Variants in TP73 observed in about 807,000 individuals in gnomAD.
TP73 encodes the protein p53-like transcription factor.
Under a neutral mutation model 62.5 loss-of-function variants are expected in TP73, and 25 were observed. That is an observed-to-expected ratio of 0.40 (90% confidence interval 0.29 to 0.56). TP73 has a LOEUF of 0.56. TP73 is among the 20% of genes least tolerant of loss of function. TP73 has a pLI of 0.46. For synonymous variants in TP73, 423 were observed against 377.5 expected (o/e 1.12, Z -1.40); for missense variants, 754 against 913.3 (o/e 0.83, Z 2.25).
chr1:3,678,526 T>C (rs927965449), intron 1 of TP73, among the ~76,000 whole-genome samples: 2 of 152,264 alleles, frequency 1.3e-5, no homozygotes, highest in Non-Finnish European at 2.9e-5. Flanking sequence ...GCTACCAGCG[T>C]TGGCGTTTTC....
intron 10 of TP73, chr1:3,729,758 T>A (rs1641981947): frequency 1.3e-6 from 1 of 746,652 alleles, no homozygotes; most frequent in Admixed American, 2.2e-5. Context: ...CAGAGTCCGA[T>A]TCCAGTGGCA....
intron 3 of TP73, among the ~76,000 whole-genome samples, chr1:3,688,488 C>A (rs934406972): frequency 6.6e-6 from 1 of 152,224 alleles, no homozygotes; most frequent in Non-Finnish European, 1.5e-5. Flanking sequence ...TCGTTCCCCC[C>A]TGTCCTGCGG....
intron 4 of TP73, among the ~76,000 whole-genome samples, chr1:3,720,817 A>G (rs1013305655): frequency 1.3e-5 from 2 of 152,218 alleles, no homozygotes; most frequent in Non-Finnish European, 2.9e-5. Flanking sequence ...TCCTTGGCAA[A>G]GGGAAGACTC....
rs1645130901 is a variant in TP73 at position 3,666,945 on chromosome 1, G to A, written c.-34+14304G>A. On this transcript the variant is annotated intron_variant, in intron 1 of 13. Coordinates refer to ENST00000378295, the MANE Select transcript of TP73 (RefSeq NM_005427.4). This position sits in a 1 kb window ranked among gnomAD's most constrained non-coding sequence, Gnocchi z 6.4. ...AACCCGTGTCTATGTTATTTCCCATGGCAAAGGGGACCGTGATTCAGCTAT... is the reference window on the plus strand; with the variant it reads ...AACCCGTGTCTATGTTATTTCCCATAGCAAAGGGGACCGTGATTCAGCTAT... Among the ~76,000 whole-genome samples the A allele has an allele frequency of 1.3e-5, 2 of 152,182 alleles. No individual in the cohort carries two copies. Among genetic ancestry groups the A allele is most frequent in the African/African-American group, 2.4e-5 (1 of 41,440 alleles).
chr1:3,710,527 C>T (rs953571142), intron 4 of TP73, among the ~76,000 whole-genome samples: 14 of 152,288 alleles, frequency 9.2e-5, no homozygotes, highest in Admixed American at 5.2e-4. Context: ...CTGGGGCTCC[C>T]GGCACGCCAG....
At chr1:3,704,250 T>G (rs951857449) in intron 3 of TP73, among the ~76,000 whole-genome samples, 1 of 152,234 alleles carries the variant, frequency 6.6e-6, no homozygotes, top group Admixed American at 6.5e-5. Flanking sequence ...AATTATTTCC[T>G]GTATTCACCC....
Position 3,666,509 on chromosome 1 carries a change from T to C in TP73, c.-34+13868T>C, listed in dbSNP as rs1391240601. ...GCACACAGAGGGACCTGCTGGCAAA[T>C]ACTGAAGAGCTGTGGGGAGAAAGGA... On this transcript the variant is annotated intron_variant, in intron 1 of 13. Coordinates refer to ENST00000378295, the MANE Select transcript of TP73 (RefSeq NM_005427.4). The surrounding 1 kb of genome is among the most constrained non-coding windows in gnomAD (Gnocchi z 6.4). Among the ~76,000 whole-genome samples, 1 of 152,094 alleles carries C rather than the reference T, an allele frequency of 6.6e-6. No homozygotes were observed. Among genetic ancestry groups the C allele is most frequent in the East Asian group, 1.9e-4 (1 of 5,188 alleles).
intron 4 of TP73, among the ~76,000 whole-genome samples, chr1:3,709,533 G>A (rs574906699): frequency 3.9e-5 from 6 of 152,334 alleles, no homozygotes; most frequent in African/African-American, 9.6e-5. Context: ...TCCCAAATGA[G>A]TGGTTCCGTG....
At chr1:3,703,811 G>A (rs1639405794) in intron 3 of TP73, among the ~76,000 whole-genome samples, 1 of 152,210 alleles carries the variant, frequency 6.6e-6, no homozygotes, top group African/African-American at 2.4e-5. Context: ...CCTCAGCTGG[G>A]CAGCCCTTGA....
At chr1:3,703,715 G>A (rs1353190008) in intron 3 of TP73, among the ~76,000 whole-genome samples, 1 of 152,264 alleles carries the variant, frequency 6.6e-6, no homozygotes, top group African/African-American at 2.4e-5. Flanking sequence ...CCCACTGGCT[G>A]TCCTGTTCTC....
At chr1:3,712,225 GA>G (rs1410854270) in intron 4 of TP73, 2 of 152,276 alleles carry the variant, frequency 1.3e-5, no homozygotes, top group African/African-American at 2.4e-5. Flanking sequence ...GTTTATTGTG[GA>G]GATGAAACGT....
chr1:3,723,328 T>G (rs1641252871), intron 5 of TP73, 26 bp from the exon 6 acceptor site: 3 of 1,597,964 alleles, frequency 1.9e-6, no homozygotes, highest in Admixed American at 1.7e-5. Flanking sequence ...TATGCACCTC[T>G]CTGAAGTGTC....
In TP73 at chr1:3,734,054, G is replaced by A. The variant is rs1642329197; in HGVS notation, c.*975G>A. On this transcript the variant is annotated 3_prime_UTR_variant, in exon 14 of 14. Coordinates refer to ENST00000378295, the MANE Select transcript of TP73 (RefSeq NM_005427.4). The surrounding 1 kb of genome is among the most constrained non-coding windows in gnomAD (Gnocchi z 4.4). ...TGTTCCCAGGAAGGCCGGGTGGGGA[G>A]GAAGCCTAGAGGGAACCCCAGGAAG... is the stretch of plus-strand genomic sequence containing the variant. The A allele has an allele frequency of 6.6e-6, 1 of 152,120 alleles. No homozygotes were observed. Among genetic ancestry groups the A allele is most frequent in the South Asian group, 2.1e-4 (1 of 4,826 alleles). 9.4% of individuals were successfully genotyped at this position (152,120 alleles called of 1,614,324 possible).
At chr1:3,664,112 G>A (rs1181694789) in intron 1 of TP73, among the ~76,000 whole-genome samples, 5 of 152,240 alleles carry the variant, frequency 3.3e-5, no homozygotes, top group African/African-American at 4.8e-5. Flanking sequence ...AGGTGCCCAA[G>A]TGAGGCTGGT....
chr1:3,717,346 C>T (rs867590345), intron 4 of TP73, among the ~76,000 whole-genome samples: 4 of 152,090 alleles, frequency 2.6e-5, no homozygotes, highest in Admixed American at 2.0e-4. Context: ...AGAGGAGGGT[C>T]GGAGAGGAGC....
intron 10 of TP73, chr1:3,729,679 G>T (rs1459979694): frequency 1.2e-6 from 1 of 844,930 alleles, no homozygotes; most frequent in Admixed American, 1.9e-5. Flanking sequence ...GCCACTGAGG[G>T]GCCTTGTAAA....
chr1:3,712,915 G>T (rs1640274699), intron 4 of TP73, among the ~76,000 whole-genome samples: 1 of 149,534 alleles, frequency 6.7e-6, no homozygotes, highest in African/African-American at 2.4e-5. Context: ...TCCCTGGACA[G>T]GTCCCCACGA....
intron 1 of TP73, among the ~76,000 whole-genome samples, chr1:3,671,572 G>A (rs1310183508): frequency 1.3e-5 from 2 of 152,252 alleles, no homozygotes; most frequent in Admixed American, 6.5e-5. Context: ...AGGACGGGCT[G>A]CCTGGCGGGA....
At chr1:3,693,003 G>A (rs779050118) in intron 3 of TP73, among the ~76,000 whole-genome samples, 24 of 152,170 alleles carry the variant, frequency 1.6e-4, no homozygotes, top group Non-Finnish European at 3.1e-4. Flanking sequence ...TGGTTCGTTC[G>A]TTCATTTGTC....
Sources: allele counts gnomAD v4.1 joint callset (sites outside exome capture counted in the v4.1 genomes callset), GRCh38; gene constraint gnomAD v4.1.1; non-coding constraint Gnocchi (gnomAD v3.1); transcripts MANE v1.5; gene names NCBI Gene and HGNC (gene_info 2026-07-23, HGNC 2026-07-21).